Variants in CACNA2D3 observed in about 807,000 individuals in gnomAD.
CACNA2D3 encodes calcium voltage-gated channel auxiliary subunit alpha2delta 3.
A neutral mutation model predicts 160.6 loss-of-function variants in CACNA2D3; 60 were observed. The observed-to-expected ratio is 0.37, with a 90% CI of 0.30 to 0.46. The LOEUF is 0.46. CACNA2D3 is among the 20% of genes least tolerant of loss of function. The pLI is 1.00. For synonymous variants in CACNA2D3, 558 were observed against 492.9 expected (o/e 1.13, Z -1.75); for missense variants, 1,205 against 1,365.0 (o/e 0.88, Z 1.85).
rs142287254 is a variant in CACNA2D3 at position 54,300,319 on chromosome 3, G to A, written c.205-20123G>A. On this transcript the variant is annotated intron_variant, in intron 2 of 37. Coordinates refer to ENST00000474759, the MANE Select transcript of CACNA2D3 (RefSeq NM_018398.3). The stretch of plus-strand genomic sequence containing the variant: ...TGCCCTGTCACCAGGTGATGGACTT[G>A]ATGTAGGAAGTGCCACCAGCAGTCT... Among the ~76,000 whole-genome samples the A allele has an allele frequency of 7.5e-3, 1,137 of 152,350 alleles. 12 individuals are homozygous for A. Among genetic ancestry groups the A allele is most frequent in the African/African-American group, 0.025 (1,054 of 41,586 alleles).
chr3:54,709,893 C>G (rs1700924016), intron 11 of CACNA2D3, among the ~76,000 whole-genome samples: 1 of 152,150 alleles, frequency 6.6e-6, no homozygotes, highest in Non-Finnish European at 1.5e-5. Context: ...CCACTGCACT[C>G]TAGCCTGCAT....
intron 3 of CACNA2D3, among the ~76,000 whole-genome samples, chr3:54,379,781 A>T (rs1699069509): frequency 6.6e-6 from 1 of 152,192 alleles, no homozygotes; most frequent in African/African-American, 2.4e-5. Flanking sequence ...TTCAGAGCTC[A>T]GCTTAAATGT....
At position 54,627,884 on chromosome 3, in the gene CACNA2D3, C is replaced by T. The variant is rs776432867; in HGVS notation, c.1053+8C>T. On this transcript the variant is annotated splice_region_variant and intron_variant, in intron 10 of 37. Transcript: ENST00000474759. ...TTCAACATTCTGAGTGATGTAAGTT[C>T]CTCTTTGATTTGCCTTTCTCATCCC... 1.3e-6 allele frequency: 2 copies of T among 1,565,652 alleles called. No individual in the cohort carries two copies. Among genetic ancestry groups the T allele is most frequent in the South Asian group, 2.3e-5 (2 of 86,846 alleles).
intron 11 of CACNA2D3, among the ~76,000 whole-genome samples, chr3:54,645,298 C>G (rs1699613062): frequency 6.6e-6 from 1 of 152,230 alleles, no homozygotes; most frequent in Non-Finnish European, 1.5e-5. Flanking sequence ...AATCCAATCA[C>G]CTCCCACCAG....
chr3:54,289,408 G>T (rs559012515), intron 2 of CACNA2D3, among the ~76,000 whole-genome samples: 1 of 152,166 alleles, frequency 6.6e-6, no homozygotes, highest in Admixed American at 6.5e-5. Context: ...AAATAAATGA[G>T]GATACAAAGA....
intron 4 of CACNA2D3, among the ~76,000 whole-genome samples, chr3:54,476,176 C>T (rs1024608145): frequency 6.7e-6 from 1 of 148,190 alleles, no homozygotes; most frequent in Non-Finnish European, 1.5e-5. Context: ...GTAGCATTTC[C>T]TTCTTTTTAA....
chr3:54,368,919 T>C (rs1698873903), intron 3 of CACNA2D3, among the ~76,000 whole-genome samples: 1 of 151,836 alleles, frequency 6.6e-6, no homozygotes, highest in Non-Finnish European at 1.5e-5. Context: ...GCCAGGATAG[T>C]CTCTATCTCC....
In CACNA2D3 at chr3:54,569,983, A is replaced by G. The variant is rs1371465039; in HGVS notation, c.767A>G (p.Asp256Gly). Residue 256 changes from aspartate to glycine, a missense_variant, in exon 8 of 38, where the codon GAC (aspartate) becomes GGC (glycine). By Grantham distance (94) the Asp-to-Gly change is moderately conservative. This residue lies in a region of CACNA2D3 where 131 missense variants were observed against 201.5 expected (regional missense o/e 0.65). Transcript: ENST00000474759. ...WYIQAATSPK[D>G]VVILVDVSGS... ...ATCCAGGCAGCAACTTCTCCGAAAG[A>G]CGTGGTCATTTTAGTTGACGTCAGT... 1 of 1,614,004 alleles carries G rather than the reference A, an allele frequency of 6.2e-7. No homozygotes were observed. The highest frequency in any genetic ancestry group is 1.7e-5 in the Admixed American group (1 of 60,018).
intron 5 of CACNA2D3, among the ~76,000 whole-genome samples, chr3:54,545,466 T>C (rs1056231697): frequency 6.6e-6 from 1 of 152,242 alleles, no homozygotes; most frequent in African/African-American, 2.4e-5. Flanking sequence ...CATTTTCCCC[T>C]TTTTCATTGT....
chr3:54,391,512 C>CT (rs199908584), intron 4 of CACNA2D3, among the ~76,000 whole-genome samples: 2,997 of 148,256 alleles, frequency 0.02, 48 homozygotes, highest in South Asian at 0.05. Flanking sequence ...TTCTTTCTTT[C>CT]TTTCTTTTTT....
intron 35 of CACNA2D3, among the ~76,000 whole-genome samples, chr3:55,031,211 G>A (rs1055997884): frequency 2.0e-5 from 3 of 152,158 alleles, no homozygotes; most frequent in Admixed American, 6.5e-5. Flanking sequence ...CTCCATCCTG[G>A]TGGTTGTTTG....
At chr3:54,879,482 C>A in intron 20 of CACNA2D3, 71 bp downstream of exon 20, 1 of 1,069,416 alleles carries the variant, frequency 9.4e-7, no homozygotes, top group Non-Finnish European at 1.4e-6. Context: ...CCTGCTGACA[C>A]TCTCAGAGCT....
chr3:54,514,860 T>G (rs1426733120), intron 5 of CACNA2D3, among the ~76,000 whole-genome samples: 1 of 152,102 alleles, frequency 6.6e-6, no homozygotes, highest in Non-Finnish European at 1.5e-5. Context: ...ATGTTTTGGG[T>G]TGAAATAAGG....
intron 11 of CACNA2D3, among the ~76,000 whole-genome samples, chr3:54,749,635 C>T (rs1004015089): frequency 2.0e-5 from 3 of 152,102 alleles, no homozygotes; most frequent in African/African-American, 7.2e-5. Flanking sequence ...AGTAAAATCT[C>T]TTTTCTTCTG....
At chr3:54,755,599 T>G (rs927883240) in intron 12 of CACNA2D3, among the ~76,000 whole-genome samples, 2 of 152,088 alleles carry the variant, frequency 1.3e-5, no homozygotes, top group East Asian at 1.9e-4. Context: ...TGTCTCAGAG[T>G]TACACATTTG....
rs554877275 is a variant in CACNA2D3 at position 54,687,714 on chromosome 3, T to C, written c.1167+45473T>C. 2.0e-5 allele frequency among the ~76,000 whole-genome samples: 3 copies of C among 152,340 alleles called. No homozygotes were observed. The East Asian group carries it at 5.8e-4, about 29-fold the overall frequency. On this transcript the variant is annotated intron_variant, in intron 11 of 37. Coordinates refer to ENST00000474759, the MANE Select transcript of CACNA2D3 (RefSeq NM_018398.3). ...TTTGCAGGAATCATGGAAAGAATCA[T>C]TTTGACATAGCAACTTGGCTTTCTA...
Position 54,504,744 on chromosome 3 carries a change from G to A in CACNA2D3, c.544+1090G>A, listed in dbSNP as rs191842553. Among the ~76,000 whole-genome samples, 425 of 152,294 alleles carry A rather than the reference G, an allele frequency of 2.8e-3. 7 individuals carry two copies. Among genetic ancestry groups the A allele is most frequent in the Non-Finnish European group, 5.6e-4 (38 of 68,034 alleles). ...CAGTAGTCAAGAGCAAGGGCTATGG[G>A]TTTAAGTCCTGATCTTCCTCTTGTA... is the stretch of plus-strand genomic sequence containing the variant. On this transcript the variant is annotated intron_variant, in intron 5 of 37. Transcript: ENST00000474759.
chr3:54,456,127 G>A (rs924168211), intron 4 of CACNA2D3, among the ~76,000 whole-genome samples: 1 of 152,050 alleles, frequency 6.6e-6, no homozygotes, highest in African/African-American at 2.4e-5. Flanking sequence ...TGAATCTGTA[G>A]ATTGCTTTGG....
At chr3:55,065,724 G>A (rs1704620673) in intron 35 of CACNA2D3, among the ~76,000 whole-genome samples, 1 of 145,374 alleles carries the variant, frequency 6.9e-6, no homozygotes, top group Non-Finnish European at 1.5e-5. Flanking sequence ...GGGGGGAAGG[G>A]AAGGAAAGGA....
Sources: allele counts gnomAD v4.1 joint callset (sites outside exome capture counted in the v4.1 genomes callset), GRCh38; gene constraint gnomAD v4.1.1; regional missense constraint gnomAD v4.1.1; transcripts MANE v1.5; gene names NCBI Gene and HGNC (gene_info 2026-07-23, HGNC 2026-07-21).